CLPTM1L: variants seen among roughly 807,000 people sequenced by gnomAD.
CLPTM1L encodes the protein lipid scramblase CLPTM1L.
Under a neutral mutation model 70.9 loss-of-function variants are expected in CLPTM1L, and 38 were observed. That is an observed-to-expected ratio of 0.54 (90% CI 0.41 to 0.70). The LOEUF is 0.70. Ranked by LOEUF, CLPTM1L falls within the 30% of genes least tolerant of loss-of-function variation. The probability of loss-of-function intolerance (pLI) is 0.00; values close to 1 mark genes in which losing one functional copy is unlikely to be tolerated. For missense variants in CLPTM1L, 652 were observed against 705.9 expected (o/e 0.92, Z 0.87); for synonymous variants, 339 against 299.9 (o/e 1.13, Z -1.35).
chr5:1,325,769 G>C lies in CLPTM1L; in HGVS notation c.1128C>G (p.Gly376=). The C allele has an allele frequency of 6.2e-7, 1 of 1,613,800 alleles. No individual in the cohort carries two copies. The highest frequency in any genetic ancestry group is 1.1e-5 in the South Asian group (1 of 91,078). The change falls in exon 10 of 17, where the codon GGC becomes GGG. Residue 376 remains glycine (G), a synonymous_variant. Coordinates refer to ENST00000320895, the MANE Select transcript of CLPTM1L (RefSeq NM_030782.5). ...KALKMTIFWR[G]LMPEFQFGTY... ...ATCCTACCTGAAATTCGGGCATCAG[G>C]CCTCTCCAAAAAATAGTCATCTTCA... is the stretch of plus-strand genomic sequence containing the variant.
chr5:1,344,660 C>G lies in CLPTM1L; in HGVS notation c.162+20G>C. On this transcript the variant is annotated intron_variant, in intron 1 of 16. Transcript: ENST00000320895. ...GCCCCCACCCCAACCCGCCCGGCCC[C>G]CGGCCCCGCGGACGCTCACCTGCAG... 1.3e-6 allele frequency: 2 copies of G among 1,545,952 alleles called. No individual in the cohort carries two copies. The highest frequency in any genetic ancestry group is 1.7e-6 in the Non-Finnish European group (2 of 1,144,884).
At chr5:1,339,076 C>T (rs1560869485) in intron 3 of CLPTM1L, 71 bp from the exon 4 acceptor site, 1 of 1,536,642 alleles carries the variant, frequency 6.5e-7, no homozygotes, top group East Asian at 2.4e-5. Context: ...GGTCAGCCCC[C>T]TAACCTGCGA....
chr5:1,342,056 G>A lies in CLPTM1L; in HGVS notation c.264-196C>T, dbSNP rs1348839526. On this transcript the variant is annotated intron_variant, in intron 2 of 16. Coordinates refer to ENST00000320895, the MANE Select transcript of CLPTM1L (RefSeq NM_030782.5). This position sits in a 1 kb window ranked among gnomAD's most constrained non-coding sequence, Gnocchi z 4.3. ...TGTGTGTGTGCACGCGCACGCGTGCGCGTCCTGAGAACTCGGCACAGGTGT... is the reference window on the plus strand; with the variant it reads ...TGTGTGTGTGCACGCGCACGCGTGCACGTCCTGAGAACTCGGCACAGGTGT... 1.3e-5 allele frequency among the ~76,000 whole-genome samples: 2 copies of A among 151,238 alleles called. No individual in the cohort carries two copies. The highest frequency in any genetic ancestry group is 2.4e-5 in the African/African-American group (1 of 41,098).
intron 4 of CLPTM1L, chr5:1,338,244 A>T (rs1753708911): frequency 1.8e-6 from 1 of 551,830 alleles, no homozygotes; most frequent in African/African-American, 1.9e-5. Context: ...GGAGCGGGGG[A>T]ATTACAGGGA....
At chr5:1,332,781 A>G (rs1753184214) in intron 7 of CLPTM1L, among the ~76,000 whole-genome samples, 1 of 152,230 alleles carries the variant, frequency 6.6e-6, no homozygotes, top group South Asian at 2.1e-4. Context: ...TACTGTGCTT[A>G]ACTTATAAAT....
chr5:1,337,475 G>A (rs116764753), intron 5 of CLPTM1L, among the ~76,000 whole-genome samples: 2,650 of 152,350 alleles, frequency 0.017, 37 homozygotes, highest in Non-Finnish European at 0.024. Context: ...GCTGTCACCC[G>A]CTCCTCTGGC....
At position 1,331,578 on chromosome 5, in the gene CLPTM1L, C is replaced by T. The variant is rs994590916; in HGVS notation, c.976+221G>A. 13 of 403,486 alleles carry T rather than the reference C, an allele frequency of 3.2e-5. No individual in the cohort carries two copies. In the East Asian group the frequency reaches 4.7e-4, roughly 15 times the overall value. 25.0% of individuals were successfully genotyped at this position (403,486 alleles called of 1,614,324 possible). ...GCAGCCAGGCCCTGAGCTGTGCAGCCGCTGGAGGCCCTGAGCCGTGCAGCC... is the reference window on the plus strand; with the variant it reads ...GCAGCCAGGCCCTGAGCTGTGCAGCTGCTGGAGGCCCTGAGCCGTGCAGCC... On this transcript the variant is annotated intron_variant, in intron 8 of 16. Coordinates refer to ENST00000320895, the MANE Select transcript of CLPTM1L (RefSeq NM_030782.5).
intron 8 of CLPTM1L, 177 bp downstream of exon 8, chr5:1,331,622 A>G: frequency 1.6e-6 from 1 of 614,920 alleles, no homozygotes; most frequent in Non-Finnish European, 2.9e-6. Flanking sequence ...TCCCACCACA[A>G]TTGCCGCAAC....
chr5:1,336,951 C>G (rs116296227), intron 5 of CLPTM1L, among the ~76,000 whole-genome samples: 5,189 of 152,270 alleles, frequency 0.034, 330 homozygotes, highest in African/African-American at 0.12. Context: ...CTGCACCCCC[C>G]CGCTAGCAAG....
intron 10 of CLPTM1L, 115 bp from the exon 11 acceptor site, chr5:1,324,928 A>G: frequency 1.1e-6 from 1 of 936,626 alleles, no homozygotes; most frequent in Non-Finnish European, 1.7e-6. Flanking sequence ...GCCTCACTAC[A>G]GAGGGCGCTC....
intron 11 of CLPTM1L, 98 bp from the exon 12 acceptor site, chr5:1,323,967 A>T: frequency 1.0e-6 from 1 of 953,896 alleles, no homozygotes; most frequent in Non-Finnish European, 1.7e-6. Flanking sequence ...AGACAGAACG[A>T]GCTACAGCGC....
At position 1,318,172 on chromosome 5, in the gene CLPTM1L, G is replaced by A. The variant is rs1751938535; in HGVS notation, c.*197C>T. ...AGCACCCAGCTCTGTGACCAAGACA[G>A]ATGTTCACACGTGGGGGCATCGTAA... is the stretch of plus-strand genomic sequence containing the variant. On this transcript the variant is annotated 3_prime_UTR_variant, in exon 17 of 17. Coordinates refer to ENST00000320895, the MANE Select transcript of CLPTM1L (RefSeq NM_030782.5). This position sits in a 1 kb window ranked among gnomAD's most constrained non-coding sequence, Gnocchi z 8.9. 1 of 587,350 alleles carries A rather than the reference G, an allele frequency of 1.7e-6. No individual in the cohort carries two copies. The allele number at this position is 587,350 out of a possible 1,614,324, so 36.4% of individuals were successfully genotyped here.
chr5:1,341,665 C>T lies in CLPTM1L; in HGVS notation c.453+6G>A, dbSNP rs1277180704. ...CCTGTTATCAGTAACCCATGAAGAC[C>T]CTCACCTGTGTATCAGACTCCCCGG... is the stretch of plus-strand genomic sequence containing the variant. On this transcript the variant is annotated splice_donor_region_variant and intron_variant, in intron 3 of 16. Transcript: ENST00000320895. 1 of 1,598,646 alleles carries T rather than the reference C, an allele frequency of 6.3e-7. No individual in the cohort carries two copies. Among genetic ancestry groups the T allele is most frequent in the Non-Finnish European group, 8.6e-7 (1 of 1,168,106 alleles).
At chr5:1,333,660 CGGCTGA>C (rs1561244385) in intron 7 of CLPTM1L, among the ~76,000 whole-genome samples, 1,130 of 86,500 alleles carry the variant, frequency 0.013, 92 homozygotes, top group African/African-American at 0.017. Flanking sequence ...GTATACACAC[CGGCTGA>C]GGATAAGGGG....
At chr5:1,322,576 T>C (rs941531917) in intron 13 of CLPTM1L, among the ~76,000 whole-genome samples, 2 of 152,234 alleles carry the variant, frequency 1.3e-5, no homozygotes, top group Non-Finnish European at 2.9e-5. Context: ...TGGACACATA[T>C]ACCAGGCGGC....
At chr5:1,336,086 G>A (rs951931274) in intron 5 of CLPTM1L, among the ~76,000 whole-genome samples, 3 of 152,236 alleles carry the variant, frequency 2.0e-5, no homozygotes, top group African/African-American at 4.8e-5. Flanking sequence ...CCCTGAGAGC[G>A]GCTGTCAGGG....
intron 7 of CLPTM1L, among the ~76,000 whole-genome samples, chr5:1,332,729 G>A (rs946183424): frequency 1.3e-5 from 2 of 152,230 alleles, no homozygotes; most frequent in African/African-American, 4.8e-5. Context: ...TTATCACACT[G>A]TCCTGTCCTG....
chr5:1,344,517 G>C (rs567900747), intron 1 of CLPTM1L, 66 bp from the exon 2 acceptor site: 1 of 1,518,114 alleles, frequency 6.6e-7, no homozygotes, highest in East Asian at 2.3e-5. Context: ...CAAATCCCAC[G>C]GCCAGCTGGA....
chr5:1,334,917 T>C, intron 6 of CLPTM1L, 140 bp downstream of exon 6: 3 of 623,804 alleles, frequency 4.8e-6, no homozygotes, highest in Non-Finnish European at 8.6e-6. Flanking sequence ...AGGCAGGCGC[T>C]GCTAGCCTCT....
Sources: allele counts gnomAD v4.1 joint callset (sites outside exome capture counted in the v4.1 genomes callset), GRCh38; gene constraint gnomAD v4.1.1; non-coding constraint Gnocchi (gnomAD v3.1); transcripts MANE v1.5; gene names NCBI Gene and HGNC (gene_info 2026-07-23, HGNC 2026-07-21).